The following SLCO1A2 variants were observed in gnomAD, a reference collection of about 807,000 sequenced individuals.
SLCO1A2 encodes solute carrier organic anion transporter family member 1A2, also known as OATP-1.
In SLCO1A2, 67 loss-of-function variants were observed where a neutral mutation model predicts 69.0. The observed-to-expected ratio is 0.97, with a 90% CI of 0.80 to 1.19. SLCO1A2 has a LOEUF of 1.19. Ranked by LOEUF, SLCO1A2 falls within the 50% of genes most tolerant of loss-of-function variation. The pLI is 0.00. For synonymous variants in SLCO1A2, 260 were observed against 265.9 expected (o/e 0.98, Z 0.22); for missense variants, 787 against 793.7 (o/e 0.99, Z 0.10).
chr12:21,303,311 T>C (rs974536677), intron 6 of SLCO1A2, among the ~76,000 whole-genome samples: 3 of 152,170 alleles, frequency 2.0e-5, no homozygotes, highest in African/African-American at 7.2e-5. Context: ...AGCAAGGTGT[T>C]TGTTAATTTA....
intron 2 of SLCO1A2, among the ~76,000 whole-genome samples, chr12:21,321,474 T>C (rs1024238797): frequency 5.3e-5 from 8 of 152,200 alleles, no homozygotes; most frequent in African/African-American, 1.7e-4. Context: ...TTTTGTCAAA[T>C]AAATTAATAA....
intron 1 of SLCO1A2, among the ~76,000 whole-genome samples, chr12:21,377,787 C>T (rs1467296478): frequency 2.0e-5 from 3 of 152,074 alleles, no homozygotes; most frequent in Non-Finnish European, 4.4e-5. Flanking sequence ...TCTCAAGGAA[C>T]TTAAAGACTA....
rs906194588 is a variant in SLCO1A2 at position 21,352,553 on chromosome 12, C to T, written c.-62-17844G>A. 4.6e-5 allele frequency among the ~76,000 whole-genome samples: 7 copies of T among 152,190 alleles called. No individual in the cohort carries two copies. The South Asian group carries it at 8.3e-4, about 18-fold the overall frequency. Reference sequence around the variant, plus strand: ...AAATACCAGCCATGAATCAAGAGTCCGTCAAGGCTGCCTACATATGAACAC... The same window carrying T: ...AAATACCAGCCATGAATCAAGAGTCTGTCAAGGCTGCCTACATATGAACAC... On this transcript the variant is annotated intron_variant, in intron 2 of 15. Transcript: ENST00000307378.
At chr12:21,336,671 T>C (rs1014918465), upstream of SLCO1A2, among the ~76,000 whole-genome samples, 1 of 151,984 alleles carries the variant, frequency 6.6e-6, no homozygotes, top group African/African-American at 2.4e-5. Context: ...ATTTATTCAA[T>C]AAAAATCCAT....
intron 12 of SLCO1A2, among the ~76,000 whole-genome samples, chr12:21,276,795 G>A (rs958089416): frequency 1.3e-5 from 2 of 152,174 alleles, no homozygotes; most frequent in African/African-American, 4.8e-5. Context: ...TGTCACAGTG[G>A]AAAGCAAAAC....
At chr12:21,383,281 G>A (rs1462258106) in intron 1 of SLCO1A2, among the ~76,000 whole-genome samples, 4 of 151,468 alleles carry the variant, frequency 2.6e-5, no homozygotes, top group Non-Finnish European at 4.4e-5. Context: ...TATTTTCTTT[G>A]TTCCGTATAC....
rs1942399383 is a variant in SLCO1A2, at chr12:21,269,440, G to C, written c.*108C>G. ...TATTTTGAGTTAAGAGGTTTTTTAG[G>C]TTCTTAAAGACAAGAAAAAGTTATC... On this transcript the variant is annotated 3_prime_UTR_variant, in exon 15 of 15. Coordinates refer to ENST00000683939, the MANE Select transcript of SLCO1A2 (RefSeq NM_001386879.1). The C allele has an allele frequency of 4.2e-6, 3 of 717,304 alleles. No homozygotes were observed. Among genetic ancestry groups the C allele is most frequent in the Non-Finnish European group, 6.6e-6 (3 of 455,406 alleles). 44.4% of individuals were successfully genotyped at this position (717,304 alleles called of 1,614,324 possible). A position where few individuals can be genotyped will look rare whatever the true frequency, so the allele number is the denominator to read the frequency against.
intron 1 of SLCO1A2, among the ~76,000 whole-genome samples, chr12:21,384,019 G>C (rs1027397248): frequency 6.6e-6 from 1 of 152,026 alleles, no homozygotes; most frequent in Non-Finnish European, 1.5e-5. Flanking sequence ...TTTGTAAAAC[G>C]GATAGTAATA....
At chr12:21,280,174 A>G (rs1452064162) in intron 12 of SLCO1A2, among the ~76,000 whole-genome samples, 1 of 152,110 alleles carries the variant, frequency 6.6e-6, no homozygotes, top group Non-Finnish European at 1.5e-5. Context: ...GAAAGGAAGA[A>G]AAAAAGGAAG....
chr12:21,275,478 A>T (rs200951054), intron 12 of SLCO1A2, 54 bp from the exon 13 acceptor site: 10 of 1,344,696 alleles, frequency 7.4e-6, no homozygotes, highest in Non-Finnish European at 9.7e-6. Flanking sequence ...TAAAACTATC[A>T]TATTGTCTTG....
intron 1 of SLCO1A2, among the ~76,000 whole-genome samples, chr12:21,390,348 A>G (rs1941090908): frequency 6.6e-6 from 1 of 152,144 alleles, no homozygotes; most frequent in Non-Finnish European, 1.5e-5. Context: ...GACCTTAAAC[A>G]GTGTCTAATG....
intron 11 of SLCO1A2, among the ~76,000 whole-genome samples, chr12:21,293,550 T>C (rs991257633): frequency 2.0e-5 from 3 of 148,940 alleles, no homozygotes; most frequent in African/African-American, 7.6e-5. Flanking sequence ...AGCACATCCA[T>C]ACATATACAC....
chr12:21,336,051 G>T (rs1249378267), upstream of SLCO1A2, among the ~76,000 whole-genome samples: 1 of 152,040 alleles, frequency 6.6e-6, no homozygotes, highest in African/African-American at 2.4e-5. Context: ...AATTTGCTTG[G>T]TATGTAAGTG....
intron 1 of SLCO1A2, chr12:21,378,523 G>C: frequency 2.9e-6 from 3 of 1,025,582 alleles, no homozygotes; most frequent in Non-Finnish European, 4.6e-6. Context: ...TATATGGTCT[G>C]TGTGTCTGAT....
intron 2 of SLCO1A2, among the ~76,000 whole-genome samples, chr12:21,347,461 C>T (rs11045988): frequency 0.67 from 102,308 of 151,956 alleles, 36,812 homozygotes; most frequent in East Asian, 1. Flanking sequence ...GCCTAGCCAA[C>T]ATGGTGAAAC....
At position 21,318,915 on chromosome 12, in the gene SLCO1A2, C is replaced by T. The variant is rs757393711; in HGVS notation, c.69G>A (p.Leu23=). Residue 23 remains leucine, a synonymous_variant, in exon 3 of 15, where the codon CTG becomes CTA. Transcript: ENST00000683939. ...IRCLSKLKMF[L]LAITCAFVSK... is the part of the protein sequence containing the mutation. ...ATACAAATGCACATGTTATTGCCAA[C>T]AGAAACATCTAGGAAAAAAATATAA... 2 of 1,579,454 alleles carry T rather than the reference C, an allele frequency of 1.3e-6. No individual in the cohort carries two copies. The highest frequency in any genetic ancestry group is 2.3e-5 in the East Asian group (1 of 44,298).
At chr12:21,415,697 T>C (rs1941977913) in intron 1 of SLCO1A2, among the ~76,000 whole-genome samples, 1 of 152,132 alleles carries the variant, frequency 6.6e-6, no homozygotes, top group Non-Finnish European at 1.5e-5. Flanking sequence ...TTGGGAAGTT[T>C]TTATATTTTT....
At position 21,323,642 on chromosome 12, in the gene SLCO1A2, G is replaced by C. The variant is rs546626266; in HGVS notation, c.61-4719C>G. ...TATCTATCTGCACAGCTCATAACTG[G>C]GAGTCTTATATCCAGAAGGCTTTGT... On this transcript the variant is annotated intron_variant, in intron 2 of 14. Transcript: ENST00000683939. Among the ~76,000 whole-genome samples, 3 of 152,154 alleles carry C rather than the reference G, an allele frequency of 2.0e-5. No individual in the cohort carries two copies. The East Asian group carries it at 5.8e-4, about 29-fold the overall frequency.
intron 1 of SLCO1A2, among the ~76,000 whole-genome samples, chr12:21,416,476 T>C (rs1048681155): frequency 7.2e-5 from 11 of 152,040 alleles, no homozygotes; most frequent in Non-Finnish European, 1.3e-4. Context: ...CATTATATCA[T>C]TAGGAGGATT....
Sources: gnomAD v4.1 joint callset for allele counts (sites outside exome capture counted in the v4.1 genomes callset) on GRCh38, gnomAD v4.1.1 for gene constraint, MANE v1.5 for transcripts, NCBI Gene and HGNC (gene_info 2026-07-23, HGNC 2026-07-21) for gene names.